PPP2R2B: variants seen among roughly 807,000 people sequenced by gnomAD.
PPP2R2B encodes the protein serine/threonine-protein phosphatase 2A 55 kDa regulatory subunit B beta isoform.
In PPP2R2B, 5 loss-of-function variants were observed where a neutral mutation model predicts 46.0. That is an observed-to-expected ratio of 0.11 (90% CI 0.06 to 0.23). The LOEUF (loss-of-function observed/expected upper bound fraction) is 0.23. Ranked by LOEUF, PPP2R2B falls within the 10% of genes least tolerant of loss-of-function variation. PPP2R2B has a pLI of 1.00. For missense variants in PPP2R2B, 367 were observed against 575.0 expected, an observed-to-expected ratio of 0.64 and a Z score of 3.70; for synonymous variants, 215 against 206.7, an observed-to-expected ratio of 1.04 and a Z score of -0.34.
At chr5:147,024,081 T>C (rs2151886983) in intron 1 of PPP2R2B, among the ~76,000 whole-genome samples, 1 of 152,300 alleles carries the variant, frequency 6.6e-6, no homozygotes, top group East Asian at 1.9e-4. Flanking sequence ...ATTCTCCAAA[T>C]TGCAGATAGC....
chr5:146,866,390 G>A (rs973021111), intron 2 of PPP2R2B, among the ~76,000 whole-genome samples: 5 of 152,048 alleles, frequency 3.3e-5, no homozygotes, highest in African/African-American at 1.2e-4. Flanking sequence ...GATTGATACT[G>A]GGAAAGATGA....
At chr5:146,657,519 T>C (rs1776412437) in intron 5 of PPP2R2B, among the ~76,000 whole-genome samples, 2 of 152,164 alleles carry the variant, frequency 1.3e-5, no homozygotes, top group African/African-American at 4.8e-5. Flanking sequence ...CATAATCAAT[T>C]ATGTTATGGA....
chr5:146,689,095 G>A (rs1265587758), intron 5 of PPP2R2B, among the ~76,000 whole-genome samples: 3 of 152,092 alleles, frequency 2.0e-5, no homozygotes, highest in South Asian at 4.1e-4. Flanking sequence ...ACTATCAGTA[G>A]GGGGTAATAA....
chr5:146,958,207 G>A (rs1296293042), intron 1 of PPP2R2B, among the ~76,000 whole-genome samples: 1 of 152,140 alleles, frequency 6.6e-6, no homozygotes, highest in Non-Finnish European at 1.5e-5. Flanking sequence ...ATGAAGAGAA[G>A]TACCTTTTAT....
intron 1 of PPP2R2B, among the ~76,000 whole-genome samples, chr5:147,011,012 G>C (rs964375205): frequency 4.6e-5 from 7 of 152,060 alleles, no homozygotes; most frequent in African/African-American, 1.4e-4. Flanking sequence ...GGCTGCCCAC[G>C]TCACTGAGGG....
intron 2 of PPP2R2B, among the ~76,000 whole-genome samples, chr5:146,719,555 T>C (rs1780674679): frequency 6.6e-6 from 1 of 152,184 alleles, no homozygotes; most frequent in Non-Finnish European, 1.5e-5. Context: ...CTTAGCATGA[T>C]GCCTTGCACA....
rs149974844 is a variant in PPP2R2B at position 147,049,441 on chromosome 5, G to T, written c.79+6224C>A. Among the ~76,000 whole-genome samples the T allele has an allele frequency of 5.9e-5, 9 of 152,214 alleles. No individual in the cohort carries two copies. The East Asian group carries it at 1.7e-3, about 30-fold the overall frequency. On this transcript the variant is annotated intron_variant, in intron 1 of 8. Coordinates refer to the PPP2R2B transcript ENST00000336640. ...TCTCTACTATGCATCTGATTGGAAA[G>T]GTTGGCTAGGAAGTTGGATGTACAA...
chr5:147,049,208 T>G (rs1196142136), intron 1 of PPP2R2B, among the ~76,000 whole-genome samples: 1 of 152,044 alleles, frequency 6.6e-6, no homozygotes, highest in Non-Finnish European at 1.5e-5. Flanking sequence ...GCAATTGGAT[T>G]CCTGATATTT....
intron 2 of PPP2R2B, among the ~76,000 whole-genome samples, chr5:146,781,163 TATATATATATATAA>T (rs1301156604): frequency 1.9e-5 from 2 of 105,356 alleles, no homozygotes; most frequent in East Asian, 5.5e-4. Context: ...TATATATATA[TATATATATATATAA>T]AATTATTCTC....
intron 7 of PPP2R2B, among the ~76,000 whole-genome samples, chr5:146,633,692 G>A (rs904110435): frequency 7.9e-5 from 12 of 152,228 alleles, no homozygotes; most frequent in South Asian, 4.1e-4. Flanking sequence ...TGGCTCCTCC[G>A]CCTCCTTCAG....
chr5:146,881,628 G>T (rs1046604204), upstream of PPP2R2B, among the ~76,000 whole-genome samples: 2 of 152,078 alleles, frequency 1.3e-5, no homozygotes, highest in Non-Finnish European at 2.9e-5. Flanking sequence ...GGCCAGGCTG[G>T]TCTCAAACTC....
intron 2 of PPP2R2B, among the ~76,000 whole-genome samples, chr5:146,767,557 C>T (rs565207394): frequency 6.6e-6 from 1 of 152,018 alleles, no homozygotes; most frequent in Admixed American, 6.5e-5. Flanking sequence ...CACACACACA[C>T]CTATATATAT....
intron 1 of PPP2R2B, among the ~76,000 whole-genome samples, chr5:147,011,906 C>G: frequency 8.9e-6 from 1 of 112,340 alleles, no homozygotes; most frequent in Non-Finnish European, 2.1e-5. Flanking sequence ...ATTGAACCAG[C>G]CTTGCATCCC....
At chr5:146,750,091 AAACT>A (rs57537297) in intron 2 of PPP2R2B, among the ~76,000 whole-genome samples, 15,833 of 152,166 alleles carry the variant, frequency 0.1, 1,278 homozygotes, top group East Asian at 0.46. Context: ...ACAAACAAAC[AAACT>A]GAGTTGAACA....
intron 1 of PPP2R2B, among the ~76,000 whole-genome samples, chr5:146,887,538 C>A (rs1005450586): frequency 1.3e-5 from 2 of 152,106 alleles, no homozygotes; most frequent in Non-Finnish European, 2.9e-5. Flanking sequence ...TGAATCCAAT[C>A]TGCATTTTCC....
chr5:146,903,977 T>C (rs1762921457), intron 1 of PPP2R2B, among the ~76,000 whole-genome samples: 2 of 152,196 alleles, frequency 1.3e-5, no homozygotes, highest in African/African-American at 4.8e-5. Context: ...TATATTGTCA[T>C]CTTCTAAACA....
chr5:146,691,360 G>C (rs934004965), intron 4 of PPP2R2B, 120 bp from the exon 5 acceptor site: 1 of 736,254 alleles, frequency 1.4e-6, no homozygotes, highest in African/African-American at 1.8e-5. Flanking sequence ...ACAGAAGCTG[G>C]CTCACATAAA....
At chr5:146,796,229 T>A (rs572916768) in intron 2 of PPP2R2B, among the ~76,000 whole-genome samples, 1 of 152,226 alleles carries the variant, frequency 6.6e-6, no homozygotes, top group East Asian at 1.9e-4. Flanking sequence ...CCAATGAGAA[T>A]CTTCATGATA....
intron 2 of PPP2R2B, among the ~76,000 whole-genome samples, chr5:146,872,444 T>C (rs915056055): frequency 6.6e-6 from 1 of 152,238 alleles, no homozygotes; most frequent in South Asian, 2.1e-4. Context: ...TAAGGAACTA[T>C]GAGGCAGCTC....
Sources: gnomAD v4.1 joint callset for allele counts (sites outside exome capture counted in the v4.1 genomes callset) on GRCh38, gnomAD v4.1.1 for gene constraint, MANE v1.5 for transcripts, NCBI Gene and HGNC (gene_info 2026-07-23, HGNC 2026-07-21) for gene names.